KLRG1: variants seen among roughly 807,000 people sequenced by gnomAD.
KLRG1 encodes the protein killer cell lectin-like receptor subfamily G member 1.
A neutral mutation model predicts 21.8 loss-of-function variants in KLRG1; 16 were observed. The observed-to-expected ratio is 0.73, with a 90% CI of 0.50 to 1.11. The LOEUF (loss-of-function observed/expected upper bound fraction) is 1.11, where lower values mean the gene tolerates loss of function less well. KLRG1 is among the 50% of genes most tolerant of loss of function. The probability of loss-of-function intolerance (pLI) is 0.00; values close to 1 mark genes in which losing one functional copy is unlikely to be tolerated. For synonymous variants in KLRG1, 69 were observed against 75.9 expected (o/e 0.91, Z 0.47); for missense variants, 173 against 218.3 (o/e 0.79, Z 1.31).
the KLRG1 span, among the ~76,000 whole-genome samples, chr12:9,082,105 C>T: frequency 6.6e-6 from 1 of 152,190 alleles, no homozygotes; most frequent in Admixed American, 6.5e-5. Context: ...GTTAAATATG[C>T]TTGACCTGGG....
the KLRG1 span, among the ~76,000 whole-genome samples, chr12:9,121,171 C>T: frequency 1.3e-5 from 2 of 152,142 alleles, no homozygotes; most frequent in African/African-American, 4.8e-5. This position sits in a 1 kb window ranked among gnomAD's most constrained non-coding sequence, Gnocchi z 4.4. Context: ...CAGGCATGAA[C>T]CATCATACCC....
chr12:9,140,590 C>G, the KLRG1 span, among the ~76,000 whole-genome samples: 3 of 152,206 alleles, frequency 2.0e-5, no homozygotes, highest in Admixed American at 2.0e-4. Context: ...TTACCTAGGC[C>G]TTTTAAACTG....
At chr12:9,058,107 CA>C in the KLRG1 span, 1 of 152,126 alleles carries the variant, frequency 6.6e-6, no homozygotes, top group Non-Finnish European at 1.5e-5. Flanking sequence ...AGGCGTACAT[CA>C]GGGGCTGTTC....
At chr12:9,092,743 C>T in the KLRG1 span, among the ~76,000 whole-genome samples, 1 of 152,182 alleles carries the variant, frequency 6.6e-6, no homozygotes, top group African/African-American at 2.4e-5. Flanking sequence ...ACCATATGTC[C>T]CAGAAATCCC....
chr12:9,162,335 T>C, the KLRG1 span: 1 of 365,694 alleles, frequency 2.7e-6, no homozygotes, highest in Non-Finnish European at 4.9e-6. Context: ...GAGCAGCCAC[T>C]GGGCTATCCA....
the KLRG1 span, among the ~76,000 whole-genome samples, chr12:9,204,969 T>A: frequency 6.6e-6 from 1 of 151,926 alleles, no homozygotes. Flanking sequence ...AGGTGGCACA[T>A]GGCTGTAGTA....
intron 1 of KLRG1, among the ~76,000 whole-genome samples, chr12:8,978,417 C>G (rs926719730): frequency 3.3e-5 from 5 of 152,176 alleles, no homozygotes; most frequent in African/African-American, 1.2e-4. Context: ...TTCAAATAAT[C>G]CTACTGCCTT....
chr12:9,158,546 G>A, the KLRG1 span: 1 of 1,614,076 alleles, frequency 6.2e-7, no homozygotes, highest in East Asian at 2.2e-5. Flanking sequence ...ATCGAGCCTG[G>A]GCGAAAGTCT....
At chr12:9,183,807 A>C in the KLRG1 span, among the ~76,000 whole-genome samples, 1 of 152,228 alleles carries the variant, frequency 6.6e-6, no homozygotes, top group Non-Finnish European at 1.5e-5. Context: ...ATTTGACTTT[A>C]GCTTAACATT....
chr12:8,953,818 G>A (rs779385907), intron 1 of KLRG1, among the ~76,000 whole-genome samples: 2 of 152,264 alleles, frequency 1.3e-5, no homozygotes, highest in African/African-American at 2.4e-5. Flanking sequence ...AAGCAGCTAC[G>A]AAAAGGAGCT....
intron 1 of KLRG1, among the ~76,000 whole-genome samples, chr12:8,964,286 A>G (rs755247513): frequency 1.3e-5 from 2 of 152,138 alleles, no homozygotes; most frequent in East Asian, 3.9e-4. Context: ...CCTTCATTTC[A>G]TTATTTACCC....
chr12:9,158,702 T>C, the KLRG1 span: 1 of 891,094 alleles, frequency 1.1e-6, no homozygotes, highest in Non-Finnish European at 1.6e-6. Flanking sequence ...TACTGAGAGT[T>C]TGGAGACTTT....
At chr12:9,081,845 C>T in the KLRG1 span, among the ~76,000 whole-genome samples, 1 of 152,228 alleles carries the variant, frequency 6.6e-6, no homozygotes, top group African/African-American at 2.4e-5. Context: ...GGACAGAGCT[C>T]ACAGTGACCA....
the KLRG1 span, chr12:9,098,404 AT>A: frequency 9.7e-6 from 3 of 310,370 alleles, no homozygotes; most frequent in East Asian, 6.3e-5. Context: ...TATTTTGTTT[AT>A]TTTTTTAACT....
At chr12:8,959,812 G>A (rs1275356941) in intron 1 of KLRG1, among the ~76,000 whole-genome samples, 2 of 152,134 alleles carry the variant, frequency 1.3e-5, no homozygotes, top group Non-Finnish European at 2.9e-5. Flanking sequence ...TGAAGTTATT[G>A]TGAAAAATTT....
intron 1 of KLRG1, among the ~76,000 whole-genome samples, chr12:8,984,296 G>C (rs148600240): frequency 0.018 from 2,728 of 152,248 alleles, 76 homozygotes; most frequent in African/African-American, 0.061. Flanking sequence ...TCTGCCTCCT[G>C]GGTTCAAGTG....
the KLRG1 span, chr12:9,101,239 G>A: frequency 3.9e-6 from 6 of 1,546,866 alleles, no homozygotes; most frequent in Admixed American, 5.9e-5. Context: ...GAAATTAAAT[G>A]TGCCAGAGAG....
At chr12:9,064,898 G>A in the KLRG1 span, 1 of 152,484 alleles carries the variant, frequency 6.6e-6, no homozygotes, top group Non-Finnish European at 1.5e-5. This position sits in a 1 kb window ranked among gnomAD's most constrained non-coding sequence, Gnocchi z 4.0. Flanking sequence ...GAGGCTCTGA[G>A]TAGGGCCGCC....
chr12:9,100,610 T>C, the KLRG1 span, among the ~76,000 whole-genome samples: 3 of 151,554 alleles, frequency 2.0e-5, no homozygotes, highest in African/African-American at 7.3e-5. Flanking sequence ...GCAAAGAAAA[T>C]AGGCTGAAAA....
Sources: allele counts gnomAD v4.1 joint callset (sites outside exome capture counted in the v4.1 genomes callset), GRCh38; gene constraint gnomAD v4.1.1; non-coding constraint Gnocchi (gnomAD v3.1); transcripts MANE v1.5; gene names NCBI Gene and HGNC (gene_info 2026-07-23, HGNC 2026-07-21).